Variants in DOCK1 observed in about 807,000 individuals in gnomAD.
The protein encoded by DOCK1 is dedicator of cytokinesis protein 1.
In DOCK1, 138 loss-of-function variants were observed where a neutral mutation model predicts 262.7. The observed-to-expected ratio is 0.53, with a 90% CI of 0.46 to 0.61. The LOEUF (loss-of-function observed/expected upper bound fraction) is 0.61. Ranked by LOEUF, DOCK1 falls within the 20% of genes least tolerant of loss-of-function variation. The pLI is 0.00. For synonymous variants in DOCK1, 866 were observed against 867.4 expected (o/e 1.00, Z 0.03); for missense variants, 1,908 against 2,370.7 (o/e 0.80, Z 4.05).
Position 127,323,820 on chromosome 10 carries a change from C to T in DOCK1, c.3045-15186C>T, listed in dbSNP as rs2062640063. ...AGAGCTGCTTGATCAATGCGAGCCC[C>T]CTTCTCCTTCATGGGAAGAACAGGA... is the stretch of plus-strand genomic sequence containing the variant. On this transcript the variant is annotated intron_variant, in intron 29 of 51. Transcript: ENST00000623213. 2.6e-5 allele frequency among the ~76,000 whole-genome samples: 4 copies of T among 152,210 alleles called. No individual in the cohort carries two copies. The South Asian group carries it at 8.3e-4, about 31-fold the overall frequency.
chr10:127,251,627 C>T (rs61872143), intron 28 of DOCK1, among the ~76,000 whole-genome samples: 48,285 of 145,460 alleles, frequency 0.33, 9,121 homozygotes, highest in South Asian at 0.56. Flanking sequence ...TGAGAACATG[C>T]GGTGTTTGGT....
intron 47 of DOCK1, among the ~76,000 whole-genome samples, chr10:127,429,178 C>T (rs1345229496): frequency 6.6e-6 from 1 of 152,046 alleles, no homozygotes; most frequent in African/African-American, 2.4e-5. Context: ...ACCTCCCCAC[C>T]CTTCTCTGTA....
At chr10:127,347,515 C>T (rs1015127810) in intron 31 of DOCK1, among the ~76,000 whole-genome samples, 1 of 152,096 alleles carries the variant, frequency 6.6e-6, no homozygotes, top group Non-Finnish European at 1.5e-5. Flanking sequence ...GGCATGGCGC[C>T]ATCTACATAT....
At chr10:127,032,897 T>C (rs1354307286) in intron 18 of DOCK1, among the ~76,000 whole-genome samples, 1 of 152,290 alleles carries the variant, frequency 6.6e-6, no homozygotes, top group Non-Finnish European at 1.5e-5. Context: ...GATTTACTTC[T>C]TAAAATGATT....
At chr10:127,301,942 TC>T (rs1277229462) in intron 29 of DOCK1, among the ~76,000 whole-genome samples, 4 of 135,960 alleles carry the variant, frequency 2.9e-5, no homozygotes, top group African/African-American at 1.2e-4. Flanking sequence ...CGAGACTCCA[TC>T]TCAAAAAAAA....
At chr10:127,261,360 TGTGTGTGTGCATGTGG>T (rs2060100086) in intron 29 of DOCK1, among the ~76,000 whole-genome samples, 1 of 137,974 alleles carries the variant, frequency 7.2e-6, no homozygotes, top group African/African-American at 2.8e-5. Context: ...CGTGCTCATC[TGTGTGTGTGCATGTGG>T]GTGTGTGTGT....
intron 44 of DOCK1, among the ~76,000 whole-genome samples, chr10:127,416,458 C>T (rs1451323070): frequency 6.6e-6 from 1 of 152,214 alleles, no homozygotes; most frequent in African/African-American, 2.4e-5. Flanking sequence ...CAGCCAACAG[C>T]TGCCGGATGC....
At position 127,227,903 on chromosome 10, in the gene DOCK1, A is replaced by T. The variant is rs148659323; in HGVS notation, c.2848-20105A>T. Among the ~76,000 whole-genome samples, 5 of 152,246 alleles carry T rather than the reference A, an allele frequency of 3.3e-5. No homozygotes were observed. In the East Asian group the frequency reaches 9.7e-4, roughly 29 times the overall value. ...AGCCAAATCTTAGGGTGGCATTAGGACTAAGCTGAGAATAAATTCTCAGTG... is the reference window on the plus strand; with the variant it reads ...AGCCAAATCTTAGGGTGGCATTAGGTCTAAGCTGAGAATAAATTCTCAGTG... On this transcript the variant is annotated intron_variant, in intron 27 of 51. Coordinates refer to ENST00000623213, the MANE Select transcript of DOCK1 (RefSeq NM_001290223.2).
At chr10:127,336,426 T>C (rs1350414501) in intron 29 of DOCK1, among the ~76,000 whole-genome samples, 1 of 152,288 alleles carries the variant, frequency 6.6e-6, no homozygotes, top group South Asian at 2.1e-4. Context: ...AAAAAATTTA[T>C]AGGGAATCTG....
At chr10:127,208,906 C>T (rs1222890476) in intron 27 of DOCK1, among the ~76,000 whole-genome samples, 1 of 152,056 alleles carries the variant, frequency 6.6e-6, no homozygotes, top group Non-Finnish European at 1.5e-5. Context: ...GACTGTGGAG[C>T]TTCCTTATTA....
chr10:127,064,799 A>C (rs573016893), intron 23 of DOCK1, among the ~76,000 whole-genome samples: 2 of 152,174 alleles, frequency 1.3e-5, no homozygotes, highest in Non-Finnish European at 2.9e-5. Flanking sequence ...GTTCAGTGGC[A>C]TTAAGTACAG....
chr10:127,043,157 G>C lies in DOCK1; in HGVS notation c.2194G>C (p.Ala732Pro). ...TAAGAAACACTTTAGTGCAACGTTAGCCTACACGTAAGTTCCTACTTTGTT... is the reference window on the plus strand; with the variant it reads ...TAAGAAACACTTTAGTGCAACGTTACCCTACACGTAAGTTCCTACTTTGTT... ...YIKKHFSATLAYTKLTKVLKN... is the reference protein window; with the variant it reads ...YIKKHFSATLPYTKLTKVLKN... The change falls in exon 21 of 52, where the codon GCC becomes CCC. Residue 732 changes from alanine to proline, a missense_variant. Ala to Pro is a conservative substitution (Grantham distance 27). This residue lies in a region of DOCK1 where 294 missense variants were observed against 439.9 expected (regional missense o/e 0.67). Transcript: ENST00000623213. 1 of 1,606,366 alleles carries C rather than the reference G, an allele frequency of 6.2e-7. No homozygotes were observed. Among genetic ancestry groups the C allele is most frequent in the Non-Finnish European group, 8.5e-7 (1 of 1,176,040 alleles).
chr10:127,241,726 AAG>A (rs1169289738), intron 27 of DOCK1, among the ~76,000 whole-genome samples: 1 of 150,700 alleles, frequency 6.6e-6, no homozygotes, highest in Non-Finnish European at 1.5e-5. Context: ...CTGAGCAGAA[AAG>A]AGAGAGGGGA....
chr10:127,415,033 C>A, intron 43 of DOCK1, 119 bp from the exon 44 acceptor site: 1 of 880,676 alleles, frequency 1.1e-6, no homozygotes, highest in Non-Finnish European at 1.8e-6. Flanking sequence ...CACCACAGAC[C>A]CTGTCCTGCT....
At chr10:127,197,393 A>G (rs1014030698) in intron 27 of DOCK1, among the ~76,000 whole-genome samples, 1 of 151,984 alleles carries the variant, frequency 6.6e-6, no homozygotes. Flanking sequence ...CACCCACCAA[A>G]GAGTATTGGG....
chr10:126,937,309 T>C (rs2034618312), intron 1 of DOCK1, among the ~76,000 whole-genome samples: 1 of 152,208 alleles, frequency 6.6e-6, no homozygotes, highest in Non-Finnish European at 1.5e-5. Flanking sequence ...TGTACAAATA[T>C]CTCTTCAAGA....
In DOCK1 at chr10:127,437,857, C is replaced by T. The variant is rs894416445; in HGVS notation, c.5061-1170C>T. 6.6e-6 allele frequency among the ~76,000 whole-genome samples: 1 copy of T among 152,184 alleles called. No homozygotes were observed. The highest frequency in any genetic ancestry group is 1.5e-5 in the Non-Finnish European group (1 of 68,030). ...GAAATACATGTAAAAGAAACTAGAGCTAGGATGAAAATATGACTGGCTGGC... is the reference window on the plus strand; with the variant it reads ...GAAATACATGTAAAAGAAACTAGAGTTAGGATGAAAATATGACTGGCTGGC... On this transcript the variant is annotated intron_variant, in intron 48 of 51. Transcript: ENST00000623213. The surrounding 1 kb of genome is among the most constrained non-coding windows in gnomAD (Gnocchi z 4.4).
chr10:126,943,666 A>G (rs1465651979), intron 1 of DOCK1, among the ~76,000 whole-genome samples: 1 of 152,180 alleles, frequency 6.6e-6, no homozygotes, highest in Admixed American at 6.5e-5. Flanking sequence ...GCAAGTAAGT[A>G]GGCAGCCACA....
In DOCK1 at chr10:127,318,140, C is replaced by A. The variant is rs185457306; in HGVS notation, c.3045-20866C>A. 1.5e-3 allele frequency among the ~76,000 whole-genome samples: 227 copies of A among 152,302 alleles called. 1 individual carries two copies. Among genetic ancestry groups the A allele is most frequent in the African/African-American group, 5.4e-3 (224 of 41,566 alleles). ...AGTGATATTCAAAGTGAAAATGATA[C>A]ATATACTTCTGGATTATTTTCGTTG... On this transcript the variant is annotated intron_variant, in intron 29 of 51. Coordinates refer to ENST00000623213, the MANE Select transcript of DOCK1 (RefSeq NM_001290223.2).
Sources: gnomAD v4.1 joint callset for allele counts (sites outside exome capture counted in the v4.1 genomes callset) on GRCh38, gnomAD v4.1.1 for gene constraint, gnomAD v4.1.1 regional missense constraint, Gnocchi (gnomAD v3.1) non-coding constraint, MANE v1.5 for transcripts, NCBI Gene and HGNC (gene_info 2026-07-23, HGNC 2026-07-21) for gene names.